QTMAN: variants seen among roughly 807,000 people sequenced by gnomAD.
QTMAN encodes tRNA-queuosine alpha-mannosyltransferase.
the QTMAN span, among the ~76,000 whole-genome samples, chr2:144,331,577 C>T: frequency 6.6e-6 from 1 of 151,988 alleles, no homozygotes; most frequent in Admixed American, 6.6e-5. Flanking sequence ...GGCCTCAAGG[C>T]ATTAACTTAA....
chr2:144,301,201 TTTTTG>T, the QTMAN span, among the ~76,000 whole-genome samples: 1 of 152,076 alleles, frequency 6.6e-6, no homozygotes, highest in East Asian at 1.9e-4. Flanking sequence ...AGATGTACCT[TTTTTG>T]TTTTGTCTTG....
the QTMAN span, among the ~76,000 whole-genome samples, chr2:144,226,813 A>G: frequency 6.6e-6 from 1 of 152,136 alleles, no homozygotes; most frequent in African/African-American, 2.4e-5. Flanking sequence ...ACAGAAACTG[A>G]ATGGAAATAC....
chr2:144,256,539 T>C, the QTMAN span, among the ~76,000 whole-genome samples: 1 of 152,220 alleles, frequency 6.6e-6, no homozygotes, highest in African/African-American at 2.4e-5. Context: ...AATGAGTTCA[T>C]GTCCTTTGCA....
chr2:144,195,276 A>C, the QTMAN span, among the ~76,000 whole-genome samples: 1 of 152,132 alleles, frequency 6.6e-6, no homozygotes, highest in African/African-American at 2.4e-5. Context: ...ACAGCAAAAA[A>C]GAAACTCCTG....
the QTMAN span, among the ~76,000 whole-genome samples, chr2:144,028,478 T>A: frequency 3.3e-5 from 5 of 152,190 alleles, no homozygotes; most frequent in East Asian, 9.6e-4. Flanking sequence ...AAAGTTACAG[T>A]CACATTAAAG....
chr2:144,303,559 A>C, the QTMAN span, among the ~76,000 whole-genome samples: 5 of 152,234 alleles, frequency 3.3e-5, no homozygotes, highest in Non-Finnish European at 5.9e-5. Context: ...GTCATCAAGA[A>C]AAGGGTGGAA....
chr2:144,000,373 C>A, the QTMAN span, among the ~76,000 whole-genome samples: 2 of 151,670 alleles, frequency 1.3e-5, no homozygotes, highest in Non-Finnish European at 2.9e-5. Flanking sequence ...AGACAAAAAC[C>A]AACCAAACAA....
At chr2:144,022,492 ATTCTT>A in the QTMAN span, among the ~76,000 whole-genome samples, 2 of 142,086 alleles carry the variant, frequency 1.4e-5, no homozygotes, top group Non-Finnish European at 3.1e-5. Context: ...ATTTTGCTAC[ATTCTT>A]TTAAGTTTTT....
At chr2:144,164,571 T>C in the QTMAN span, among the ~76,000 whole-genome samples, 29 of 152,292 alleles carry the variant, frequency 1.9e-4, no homozygotes, top group African/African-American at 6.0e-4. Context: ...AAAATTCTTC[T>C]ACACATGAAC....
chr2:144,053,240 T>C, the QTMAN span, among the ~76,000 whole-genome samples: 1 of 152,212 alleles, frequency 6.6e-6, no homozygotes, highest in African/African-American at 2.4e-5. Flanking sequence ...AATGTACATA[T>C]ATGTACCAGA....
the QTMAN span, among the ~76,000 whole-genome samples, chr2:144,133,509 A>G: frequency 4.3e-5 from 4 of 92,064 alleles, no homozygotes; most frequent in Non-Finnish European, 6.0e-5. Flanking sequence ...TAATATATAT[A>G]CATAATATAT....
At chr2:144,247,684 CTTTT>C in the QTMAN span, among the ~76,000 whole-genome samples, 1 of 152,022 alleles carries the variant, frequency 6.6e-6, no homozygotes, top group East Asian at 1.9e-4. Flanking sequence ...ATTTTCCTTT[CTTTT>C]TTTTGACAGG....
At chr2:144,170,300 C>G in the QTMAN span, among the ~76,000 whole-genome samples, 1 of 152,168 alleles carries the variant, frequency 6.6e-6, no homozygotes, top group East Asian at 1.9e-4. Context: ...TAGCCTGCCA[C>G]AGTGTCCTGG....
chr2:144,213,249 C>T, the QTMAN span, among the ~76,000 whole-genome samples: 33 of 152,078 alleles, frequency 2.2e-4, no homozygotes, highest in Non-Finnish European at 5.9e-5. Flanking sequence ...TTTCTTTATT[C>T]CCTAAGCCAT....
chr2:143,967,864 C>G, the QTMAN span, among the ~76,000 whole-genome samples: 1 of 152,028 alleles, frequency 6.6e-6, no homozygotes, highest in South Asian at 2.1e-4. Context: ...GTTTCTCCAC[C>G]TGGGAAAAAA....
chr2:144,252,083 T>G, the QTMAN span, among the ~76,000 whole-genome samples: 1 of 151,822 alleles, frequency 6.6e-6, no homozygotes, highest in Non-Finnish European at 1.5e-5. Context: ...AATGGACATA[T>G]AAGCAGGCCA....
the QTMAN span, among the ~76,000 whole-genome samples, chr2:144,310,886 A>G: frequency 6.6e-6 from 1 of 152,220 alleles, no homozygotes; most frequent in African/African-American, 2.4e-5. Context: ...ATATGTGTCT[A>G]GAGTTCAAAG....
At chr2:143,970,503 T>C in the QTMAN span, 1 of 644,390 alleles carries the variant, frequency 1.6e-6, no homozygotes, top group Non-Finnish European at 2.8e-6. Context: ...ATTTTTTTAA[T>C]TGAATCAGAC....
At chr2:144,218,898 C>A in the QTMAN span, among the ~76,000 whole-genome samples, 1 of 117,190 alleles carries the variant, frequency 8.5e-6, no homozygotes, top group African/African-American at 3.3e-5. Context: ...TTTGATTTAT[C>A]TATGAGGGAA....
Sources: allele counts gnomAD v4.1 joint callset (sites outside exome capture counted in the v4.1 genomes callset), GRCh38; gene constraint gnomAD v4.1.1; transcripts MANE v1.5; gene names NCBI Gene and HGNC (gene_info 2026-07-23, HGNC 2026-07-21).